The following SUGCT variants were observed in gnomAD, a reference collection of about 807,000 sequenced individuals.
SUGCT encodes succinyl-CoA:glutarate CoA-transferase.
Under a neutral mutation model 55.0 loss-of-function variants are expected in SUGCT, and 41 were observed. That is an observed-to-expected ratio of 0.74 (90% confidence interval 0.58 to 0.97). The LOEUF is 0.97. Ranked by LOEUF, SUGCT falls within the 50% of genes least tolerant of loss-of-function variation. SUGCT has a pLI of 0.00. For missense variants in SUGCT, 568 were observed against 547.8 expected (o/e 1.04, Z -0.37); for synonymous variants, 187 against 200.4 (o/e 0.93, Z 0.56).
intron 1 of SUGCT, among the ~76,000 whole-genome samples, chr7:40,166,270 T>C (rs1437988897): frequency 6.6e-6 from 1 of 152,192 alleles, no homozygotes; most frequent in Non-Finnish European, 1.5e-5. Flanking sequence ...CTTTGAGAAG[T>C]GGAGTTACCT....
chr7:40,597,773 C>T (rs1383936263), intron 12 of SUGCT, among the ~76,000 whole-genome samples: 6 of 152,074 alleles, frequency 3.9e-5, no homozygotes, highest in Admixed American at 3.9e-4. Context: ...CACTATTGAC[C>T]CACAGTTGAA....
At chr7:40,702,429 A>C (rs964288041) in intron 12 of SUGCT, among the ~76,000 whole-genome samples, 1 of 152,238 alleles carries the variant, frequency 6.6e-6, no homozygotes. Flanking sequence ...ACCAAAGTCA[A>C]GAAAACCAAG....
the SUGCT span, among the ~76,000 whole-genome samples, chr7:40,872,296 C>T: frequency 1.3e-5 from 2 of 152,116 alleles, no homozygotes; most frequent in Non-Finnish European, 2.9e-5. Context: ...TATAATTGAT[C>T]CACAGATAAA....
the SUGCT span, among the ~76,000 whole-genome samples, chr7:40,906,641 T>G: frequency 1.3e-5 from 2 of 152,180 alleles, no homozygotes; most frequent in African/African-American, 4.8e-5. Context: ...AGAGGTGATT[T>G]AAAATATGCA....
chr7:40,615,223 A>G (rs1230738932), intron 12 of SUGCT, among the ~76,000 whole-genome samples: 2 of 152,174 alleles, frequency 1.3e-5, no homozygotes, highest in Admixed American at 6.5e-5. Context: ...CACCCAGGGA[A>G]CTACAAGCTC....
chr7:40,509,971 T>G (rs1792834574), intron 12 of SUGCT, among the ~76,000 whole-genome samples: 1 of 152,178 alleles, frequency 6.6e-6, no homozygotes, highest in Non-Finnish European at 1.5e-5. Flanking sequence ...AAAAAGTTTT[T>G]TGATCATTTG....
Position 40,135,067 on chromosome 7 carries a change from T to A in SUGCT, c.47T>A (p.Leu16His), listed in dbSNP as rs763785243. Reference protein sequence around the residue: ...ARVAALRRTCLFSGRGGGRGL... With the variant: ...ARVAALRRTCHFSGRGGGRGL... ...GTGGCAGCTCTGCGCAGAACCTGCC[T>A]CTTCTCCGGCCGGGGCGGCGGGAGG... The change falls in exon 1 of 14, where the codon CTC becomes CAC. Residue 16 changes from leucine to histidine, a missense_variant. Physicochemically the swap from Leu to His is moderately conservative, Grantham distance 99 (BLOSUM62 -3). Coordinates refer to ENST00000335693, the MANE Select transcript of SUGCT (RefSeq NM_001193313.2). 11 of 1,560,586 alleles carry A rather than the reference T, an allele frequency of 7.0e-6. No individual in the cohort carries two copies. The highest frequency in any genetic ancestry group is 1.9e-5 in the Admixed American group (1 of 52,578).
At chr7:40,364,816 C>T (rs936854096) in intron 9 of SUGCT, among the ~76,000 whole-genome samples, 15 of 151,914 alleles carry the variant, frequency 9.9e-5, no homozygotes, top group Admixed American at 1.3e-4. Context: ...GATTCACAGC[C>T]GAATTCTACC....
intron 13 of SUGCT, among the ~76,000 whole-genome samples, chr7:40,803,062 A>G (rs1584464118): frequency 6.6e-6 from 1 of 152,342 alleles, no homozygotes; most frequent in African/African-American, 2.4e-5. Context: ...ACCTATTACA[A>G]GTAGTTGATG....
intron 12 of SUGCT, among the ~76,000 whole-genome samples, chr7:40,562,288 G>A (rs1353199525): frequency 7.1e-6 from 1 of 140,992 alleles, no homozygotes; most frequent in Admixed American, 7.1e-5. Context: ...GACAGAGCGA[G>A]ATTCCGTCTC....
At chr7:40,526,218 C>A (rs945336198) in intron 12 of SUGCT, among the ~76,000 whole-genome samples, 1 of 151,964 alleles carries the variant, frequency 6.6e-6, no homozygotes, top group African/African-American at 2.4e-5. Context: ...TTTGTTAATT[C>A]TTTTCATTGT....
intron 9 of SUGCT, among the ~76,000 whole-genome samples, chr7:40,397,474 A>G (rs1418382265): frequency 1.3e-5 from 2 of 152,130 alleles, no homozygotes; most frequent in African/African-American, 4.8e-5. Context: ...TCTGGACAGC[A>G]GGGAGTTTAT....
At chr7:40,380,908 T>C (rs890735540) in intron 9 of SUGCT, among the ~76,000 whole-genome samples, 1 of 152,192 alleles carries the variant, frequency 6.6e-6, no homozygotes, top group African/African-American at 2.4e-5. Flanking sequence ...GATTATTCAC[T>C]GTGAAATCAA....
chr7:40,176,994 T>C (rs1784959768), intron 1 of SUGCT, among the ~76,000 whole-genome samples: 1 of 151,618 alleles, frequency 6.6e-6, no homozygotes, highest in Non-Finnish European at 1.5e-5. Flanking sequence ...TAGCTTTCTT[T>C]CACTACCATT....
At chr7:40,253,436 T>C (rs1790576156) in intron 7 of SUGCT, among the ~76,000 whole-genome samples, 1 of 152,274 alleles carries the variant, frequency 6.6e-6, no homozygotes, top group South Asian at 2.1e-4. Flanking sequence ...TTAGTTACTT[T>C]CTTTATCTAC....
intron 9 of SUGCT, among the ~76,000 whole-genome samples, chr7:40,404,082 A>G (rs1786229844): frequency 6.6e-6 from 1 of 152,238 alleles, no homozygotes. Flanking sequence ...CTGAATGTGA[A>G]GATGACTGGT....
the SUGCT span, among the ~76,000 whole-genome samples, chr7:40,939,460 G>T: frequency 6.6e-5 from 10 of 152,122 alleles, no homozygotes; most frequent in Non-Finnish European, 1.2e-4. Flanking sequence ...AGTTCTTTGA[G>T]AACTCTTTAT....
At chr7:40,796,918 G>C (rs1043490765) in intron 13 of SUGCT, among the ~76,000 whole-genome samples, 4 of 152,308 alleles carry the variant, frequency 2.6e-5, no homozygotes, top group Middle Eastern at 3.4e-3. Context: ...GATGAGACAA[G>C]GCAGGTCCCT....
the SUGCT span, among the ~76,000 whole-genome samples, chr7:40,945,380 A>T: frequency 6.6e-6 from 1 of 152,040 alleles, no homozygotes; most frequent in African/African-American, 2.4e-5. Context: ...GTACAGAGGG[A>T]TTGTAACTCT....
Sources: gnomAD v4.1 joint callset for allele counts (sites outside exome capture counted in the v4.1 genomes callset) on GRCh38, gnomAD v4.1.1 for gene constraint, MANE v1.5 for transcripts, NCBI Gene and HGNC (gene_info 2026-07-23, HGNC 2026-07-21) for gene names.